SLC38A6: variants seen among roughly 807,000 people sequenced by gnomAD.
The protein encoded by SLC38A6 is solute carrier family 38 member 6, also known as N system amino acid transporter NAT-1.
In SLC38A6, 73 loss-of-function variants were observed where a neutral mutation model predicts 65.0. The observed-to-expected ratio is 1.12, with a 90% CI of 0.93 to 1.37. SLC38A6 has a LOEUF of 1.37. SLC38A6 is among the 40% of genes most tolerant of loss of function. The probability of loss-of-function intolerance (pLI) is 0.00; values close to 1 mark genes in which losing one functional copy is unlikely to be tolerated. For missense variants in SLC38A6, 561 were observed against 531.1 expected (o/e 1.06, Z -0.55); for synonymous variants, 183 against 178.8 (o/e 1.02, Z -0.19).
chr14:61,041,875 G>A (rs2041838783), intron 8 of SLC38A6, among the ~76,000 whole-genome samples: 3 of 152,066 alleles, frequency 2.0e-5, no homozygotes, highest in Non-Finnish European at 4.4e-5. Flanking sequence ...ACTCCAGGCT[G>A]GGTGACAGAG....
At chr14:60,996,045 G>A (rs988708065) in intron 3 of SLC38A6, among the ~76,000 whole-genome samples, 2 of 152,196 alleles carry the variant, frequency 1.3e-5, no homozygotes, top group African/African-American at 4.8e-5. Flanking sequence ...ATAATGACAT[G>A]TTAATATAGA....
chr14:61,055,106 C>CTTTTTTT (rs1280245361), downstream of SLC38A6, among the ~76,000 whole-genome samples: 6,451 of 61,400 alleles, frequency 0.11, 32 homozygotes, highest in Non-Finnish European at 0.14. Flanking sequence ...AAGTCTTTTT[C>CTTTTTTT]TTTTTTTTTT....
intron 15 of SLC38A6, among the ~76,000 whole-genome samples, chr14:61,067,299 C>T (rs1019916572): frequency 6.6e-6 from 1 of 152,054 alleles, no homozygotes; most frequent in South Asian, 2.1e-4. Context: ...GGGAAAAACT[C>T]GAGTAAGCCG....
In SLC38A6 at chr14:60,985,445, G is replaced by A. The variant is rs564561450; in HGVS notation, c.310+642G>A. 2.0e-5 allele frequency among the ~76,000 whole-genome samples: 3 copies of A among 152,260 alleles called. No individual in the cohort carries two copies. In the South Asian group the frequency reaches 6.2e-4, roughly 32 times the overall value. On this transcript the variant is annotated intron_variant, in intron 3 of 15. Coordinates refer to ENST00000267488, the MANE Select transcript of SLC38A6 (RefSeq NM_153811.3). Reference sequence around the variant, plus strand: ...AAATAAAAGTATATGAATTATAGAAGTGCTTTTCTAAGATTTTCCTTTTGT... The same window carrying A: ...AAATAAAAGTATATGAATTATAGAAATGCTTTTCTAAGATTTTCCTTTTGT...
At chr14:61,016,580 A>G (rs1952403) in intron 4 of SLC38A6, among the ~76,000 whole-genome samples, 104,136 of 152,058 alleles carry the variant, frequency 0.68, 35,841 homozygotes, top group African/African-American at 0.7. Flanking sequence ...TGCAATAGGG[A>G]TACTACACTA....
intron 15 of SLC38A6, among the ~76,000 whole-genome samples, chr14:61,062,613 C>T (rs1341998807): frequency 6.6e-6 from 1 of 151,948 alleles, no homozygotes; most frequent in Non-Finnish European, 1.5e-5. Flanking sequence ...AGGCACATAC[C>T]ACCATTTGTT....
chr14:61,075,004 A>G (rs535714247), intron 15 of SLC38A6, among the ~76,000 whole-genome samples: 1 of 152,168 alleles, frequency 6.6e-6, no homozygotes, highest in South Asian at 2.1e-4. Context: ...ACCTCAATCA[A>G]AAAAAATGTG....
chr14:61,038,704 C>A (rs1441037154), intron 8 of SLC38A6, among the ~76,000 whole-genome samples: 3 of 152,172 alleles, frequency 2.0e-5, no homozygotes, highest in Non-Finnish European at 4.4e-5. Flanking sequence ...ATTATTTAAA[C>A]AAAGTGGAAG....
chr14:61,000,555 C>T (rs143349338), intron 3 of SLC38A6, among the ~76,000 whole-genome samples: 132 of 152,258 alleles, frequency 8.7e-4, no homozygotes, highest in African/African-American at 2.9e-3. Context: ...CGCTTGAACC[C>T]GAGATGCAGA....
At chr14:60,988,866 C>T (rs1345536223) in intron 3 of SLC38A6, among the ~76,000 whole-genome samples, 1 of 152,210 alleles carries the variant, frequency 6.6e-6, no homozygotes, top group Non-Finnish European at 1.5e-5. Context: ...CACATTTGCA[C>T]CCATGCATTT....
intron 3 of SLC38A6, among the ~76,000 whole-genome samples, chr14:61,012,765 C>T (rs2039679229): frequency 6.6e-6 from 1 of 152,178 alleles, no homozygotes; most frequent in Non-Finnish European, 1.5e-5. Flanking sequence ...GTTATCATTT[C>T]TGCTCTTTTA....
chr14:60,983,248 C>T (rs941189577), intron 2 of SLC38A6, among the ~76,000 whole-genome samples: 6 of 152,156 alleles, frequency 3.9e-5, no homozygotes, highest in Admixed American at 1.3e-4. Context: ...TCCTTTACAA[C>T]TGGAGGTCAA....
chr14:61,023,065 G>A (rs945391159), intron 5 of SLC38A6, among the ~76,000 whole-genome samples: 1 of 152,138 alleles, frequency 6.6e-6, no homozygotes, highest in Non-Finnish European at 1.5e-5. Flanking sequence ...AGCTCAATAA[G>A]TAGTATTTGT....
chr14:61,004,563 A>G (rs1003460244), intron 3 of SLC38A6: 2 of 152,246 alleles, frequency 1.3e-5, no homozygotes, highest in Admixed American at 6.5e-5. Flanking sequence ...AAACACCTCT[A>G]CGCAAATAAA....
At chr14:61,051,744 T>C (rs1386022160) in intron 13 of SLC38A6, 43 bp from the exon 14 acceptor site, 1 of 1,601,008 alleles carries the variant, frequency 6.2e-7, no homozygotes, top group Admixed American at 1.7e-5. Flanking sequence ...ATCTGGACTT[T>C]GACATTTCCT....
downstream of SLC38A6, among the ~76,000 whole-genome samples, chr14:61,054,090 A>T (rs1243328558): frequency 1.3e-5 from 2 of 152,142 alleles, no homozygotes; most frequent in Non-Finnish European, 2.9e-5. Context: ...TCTTCTGCAT[A>T]TGGCTAGCCA....
chr14:61,032,479 T>C (rs1210526710), intron 6 of SLC38A6, among the ~76,000 whole-genome samples: 1 of 151,882 alleles, frequency 6.6e-6, no homozygotes, highest in African/African-American at 2.4e-5. Context: ...AAAATGAACT[T>C]CCATCTCATT....
intron 3 of SLC38A6, among the ~76,000 whole-genome samples, chr14:61,012,048 C>T (rs1267262777): frequency 6.6e-6 from 1 of 152,138 alleles, no homozygotes. Flanking sequence ...TTAATTATTG[C>T]CTCAATTTCA....
At chr14:61,043,072 C>A in intron 8 of SLC38A6, 75 bp from the exon 9 acceptor site, 3 of 913,404 alleles carry the variant, frequency 3.3e-6, no homozygotes, top group Non-Finnish European at 3.4e-6. Context: ...TGAAATGATA[C>A]TGACCTATTT....
Sources: allele counts gnomAD v4.1 joint callset (sites outside exome capture counted in the v4.1 genomes callset), GRCh38; gene constraint gnomAD v4.1.1; transcripts MANE v1.5; gene names NCBI Gene and HGNC (gene_info 2026-07-23, HGNC 2026-07-21).